ASTN1: variants seen among roughly 807,000 people sequenced by gnomAD.
The protein encoded by ASTN1 is astrotactin-1.
In ASTN1, 41 loss-of-function variants were observed where a neutral mutation model predicts 140.7. The observed-to-expected ratio is 0.29, with a 90% CI of 0.23 to 0.38. ASTN1 has a LOEUF of 0.38. Among genes scored for constraint, ASTN1 ranks in the 10% least tolerant of loss-of-function variants. ASTN1 has a pLI of 1.00. For missense variants in ASTN1, 1,479 were observed against 1,678.8 expected (o/e 0.88, Z 2.08); for synonymous variants, 640 against 652.2 (o/e 0.98, Z 0.29).
chr1:176,922,200 C>T (rs1670756042), intron 16 of ASTN1, among the ~76,000 whole-genome samples: 1 of 152,260 alleles, frequency 6.6e-6, no homozygotes. Context: ...TATCTCTCAG[C>T]CCCCATTTGC....
intron 2 of ASTN1, among the ~76,000 whole-genome samples, chr1:177,042,716 T>G (rs1020248891): frequency 5.9e-5 from 9 of 152,264 alleles, no homozygotes; most frequent in African/African-American, 2.2e-4. Context: ...TATCCAAGTT[T>G]ACATAGTAGT....
chr1:176,949,065 T>A (rs1368944640), intron 12 of ASTN1, 120 bp downstream of exon 12: 1 of 1,383,618 alleles, frequency 7.2e-7, no homozygotes, highest in Non-Finnish European at 9.8e-7. Context: ...GGCTCTTTCC[T>A]CAGAGACTAA....
chr1:177,038,744 T>C (rs897135958), intron 2 of ASTN1, among the ~76,000 whole-genome samples: 1 of 152,168 alleles, frequency 6.6e-6, no homozygotes, highest in African/African-American at 2.4e-5. Flanking sequence ...GATAATGCGG[T>C]GAATAACACA....
At chr1:177,076,939 G>A (rs929328985) in intron 1 of ASTN1, among the ~76,000 whole-genome samples, 40 of 152,214 alleles carry the variant, frequency 2.6e-4, no homozygotes, top group African/African-American at 7.5e-4. Context: ...CATCAGGGCC[G>A]GAGACTGGCT....
chr1:176,921,857 T>C (rs12095459), intron 16 of ASTN1, among the ~76,000 whole-genome samples: 4,563 of 152,006 alleles, frequency 0.03, 194 homozygotes, highest in African/African-American at 0.1. Flanking sequence ...TGCCAGGAGG[T>C]TGCAGGGGAG....
chr1:177,114,949 G>A (rs946830163), intron 1 of ASTN1, among the ~76,000 whole-genome samples: 9 of 152,042 alleles, frequency 5.9e-5, no homozygotes, highest in Non-Finnish European at 1.3e-4. Context: ...GAGACCATTA[G>A]GAGAAGCACT....
At chr1:176,997,007 T>C in intron 8 of ASTN1, among the ~76,000 whole-genome samples, 1 of 152,218 alleles carries the variant, frequency 6.6e-6, no homozygotes, top group South Asian at 2.1e-4. Context: ...ACCCAGGGAC[T>C]GTTGGCCAGT....
At position 177,154,290 on chromosome 1, in the gene ASTN1, G is replaced by T. The variant is rs113888895; in HGVS notation, c.283+10104C>A. ...TTTGTGTTGTCCAATAAACCCTTCT[G>T]CAATAGTGGGCATGTTTTATATATT... On this transcript the variant is annotated intron_variant, in intron 1 of 22. Coordinates refer to ENST00000361833, the MANE Select transcript of ASTN1 (RefSeq NM_004319.3). Among the ~76,000 whole-genome samples the T allele has an allele frequency of 2.4e-3, 372 of 152,244 alleles. 2 individuals are homozygous for T. Among genetic ancestry groups the T allele is most frequent in the African/African-American group, 8.1e-3 (336 of 41,556 alleles).
intron 1 of ASTN1, among the ~76,000 whole-genome samples, chr1:177,162,523 T>A (rs1647439807): frequency 1.3e-5 from 2 of 152,204 alleles, no homozygotes; most frequent in Non-Finnish European, 2.9e-5. Flanking sequence ...TCTTATAACA[T>A]CTGGGCTTTC....
At chr1:177,083,975 A>T (rs528270745) in intron 1 of ASTN1, among the ~76,000 whole-genome samples, 1 of 152,272 alleles carries the variant, frequency 6.6e-6, no homozygotes, top group Admixed American at 6.5e-5. Context: ...TTCTTTTGTC[A>T]GAGTAAATTC....
intron 21 of ASTN1, among the ~76,000 whole-genome samples, chr1:176,873,652 C>G (rs1009770058): frequency 4.6e-5 from 7 of 152,304 alleles, no homozygotes; most frequent in South Asian, 4.1e-4. Context: ...ACTGCTAGAA[C>G]TGTATTAATT....
intron 5 of ASTN1, among the ~76,000 whole-genome samples, chr1:177,028,738 T>C (rs1396134964): frequency 2.6e-5 from 4 of 152,232 alleles, no homozygotes; most frequent in Non-Finnish European, 5.9e-5. Flanking sequence ...AGGGATTTCA[T>C]AGTGCTTTAG....
chr1:176,942,866 A>ATATATATATATATATT lies in ASTN1; in HGVS notation c.2377+1024_2377+1025insAATATATATATATATA, dbSNP rs1385017638. 7.6e-3 allele frequency among the ~76,000 whole-genome samples: 529 copies of ATATATATATATATATT among 69,966 alleles called. 170 individuals are homozygous for ATATATATATATATATT. Among genetic ancestry groups the ATATATATATATATATT allele is most frequent in the Non-Finnish European group, 0.011 (388 of 35,236 alleles). 45.9% of individuals were successfully genotyped at this position (69,966 alleles called of 152,430 possible). A position where few individuals can be genotyped will look rare whatever the true frequency, so the allele number is the denominator to read the frequency against. On this transcript the variant is annotated intron_variant, in intron 14 of 22. Coordinates refer to ENST00000361833, the MANE Select transcript of ASTN1 (RefSeq NM_004319.3). The stretch of plus-strand genomic sequence containing the variant: ...TATATATATATATATATATATATAT[A>ATATATATATATATATT]GATTGATGTCTCATGTCTCCTTAAA...
chr1:176,950,434 C>A (rs970442745), intron 11 of ASTN1, among the ~76,000 whole-genome samples: 1 of 152,144 alleles, frequency 6.6e-6, no homozygotes, highest in African/African-American at 2.4e-5. Flanking sequence ...CAGTAGTCAC[C>A]GTTTACTGAA....
At chr1:176,980,123 T>G (rs540120772) in intron 8 of ASTN1, among the ~76,000 whole-genome samples, 14 of 152,094 alleles carry the variant, frequency 9.2e-5, no homozygotes, top group African/African-American at 3.4e-4. Context: ...AGTGGCTGAC[T>G]GGGGGGCAAA....
At chr1:177,073,978 A>T (rs1440497923) in intron 1 of ASTN1, among the ~76,000 whole-genome samples, 1 of 152,098 alleles carries the variant, frequency 6.6e-6, no homozygotes, top group East Asian at 1.9e-4. Context: ...AAAAGTCAAT[A>T]CAGCTCTACA....
chr1:177,077,668 G>A (rs1337867755), intron 1 of ASTN1, among the ~76,000 whole-genome samples: 1 of 152,180 alleles, frequency 6.6e-6, no homozygotes, highest in Non-Finnish European at 1.5e-5. Context: ...ACTTCAGGGT[G>A]AGGAACAGTA....
rs1336702187 is a variant in ASTN1 at position 176,863,411 on chromosome 1, T to A, written c.*873A>T. ...ATAATCCAGGCACATGGATATATAT[T>A]GGTAGGCTGGAGAAGTCTATCCAAA... On this transcript the variant is annotated 3_prime_UTR_variant, in exon 23 of 23. Transcript: ENST00000361833. 1 of 985,698 alleles carries A rather than the reference T, an allele frequency of 1.0e-6. No individual in the cohort carries two copies. The allele number at this position is 985,698 out of a possible 1,614,324, so 61.1% of individuals were successfully genotyped here. A position where few individuals can be genotyped will look rare whatever the true frequency, so the allele number is the denominator to read the frequency against.
intron 1 of ASTN1, among the ~76,000 whole-genome samples, chr1:177,147,402 A>C (rs1345439743): frequency 1.3e-5 from 2 of 152,148 alleles, no homozygotes; most frequent in African/African-American, 4.8e-5. Context: ...GATAACTAAG[A>C]AACTGTCTGC....
Sources: allele counts gnomAD v4.1 joint callset (sites outside exome capture counted in the v4.1 genomes callset), GRCh38; gene constraint gnomAD v4.1.1; transcripts MANE v1.5; gene names NCBI Gene and HGNC (gene_info 2026-07-23, HGNC 2026-07-21).